PDE1C: variants seen among roughly 807,000 people sequenced by gnomAD.
PDE1C encodes phosphodiesterase 1C.
PDE1C carries 62 observed loss-of-function variants against 93.1 expected under a neutral mutation model. The ratio of observed to expected loss-of-function variants is 0.67; its 90% CI spans 0.54 to 0.82. PDE1C has a LOEUF of 0.82. Ranked by LOEUF, PDE1C falls within the 40% of genes least tolerant of loss-of-function variation. The pLI is 0.00. For synonymous variants in PDE1C, 325 were observed against 310.1 expected (o/e 1.05, Z -0.50); for missense variants, 742 against 884.6 (o/e 0.84, Z 2.04).
chr7:32,186,491 T>G (rs1803891920), intron 2 of PDE1C, among the ~76,000 whole-genome samples: 1 of 152,196 alleles, frequency 6.6e-6, no homozygotes, highest in Non-Finnish European at 1.5e-5. Context: ...AAGACAGCAA[T>G]GGCAATGTTT....
chr7:31,851,401 C>T (rs187598641), intron 7 of PDE1C, among the ~76,000 whole-genome samples: 70 of 152,294 alleles, frequency 4.6e-4, no homozygotes, highest in African/African-American at 1.4e-3. Flanking sequence ...GGATCAGAAA[C>T]GCTAGGTTGT....
chr7:32,152,983 C>T (rs545132633), intron 3 of PDE1C, among the ~76,000 whole-genome samples: 9 of 152,168 alleles, frequency 5.9e-5, no homozygotes, highest in Admixed American at 5.9e-4. Flanking sequence ...ACAGGGCATG[C>T]ATATTATTTT....
intron 1 of PDE1C, among the ~76,000 whole-genome samples, chr7:32,217,469 T>A (rs1315514641): frequency 9.3e-6 from 1 of 107,050 alleles, no homozygotes; most frequent in African/African-American, 3.4e-5. Flanking sequence ...TTTGCCCCCA[T>A]GTGGTTTGAT....
At chr7:32,053,286 G>A (rs1793625867) in intron 1 of PDE1C, among the ~76,000 whole-genome samples, 3 of 152,178 alleles carry the variant, frequency 2.0e-5, no homozygotes. Context: ...AGTTCTTTGT[G>A]TGGTTTACCT....
intron 1 of PDE1C, among the ~76,000 whole-genome samples, chr7:32,290,476 C>G (rs997082530): frequency 6.6e-6 from 1 of 152,186 alleles, no homozygotes; most frequent in Admixed American, 6.5e-5. Context: ...TTACATTCCT[C>G]AACCTCTTGA....
At chr7:31,920,262 GAC>G (rs375837502) in intron 2 of PDE1C, among the ~76,000 whole-genome samples, 118 of 152,140 alleles carry the variant, frequency 7.8e-4, no homozygotes, top group African/African-American at 2.8e-3. Context: ...TAACCATCTG[GAC>G]ACACAGATAT....
intron 1 of PDE1C, among the ~76,000 whole-genome samples, chr7:32,374,194 G>GAAGAA (rs752365240): frequency 2.1e-4 from 29 of 137,370 alleles, no homozygotes; most frequent in African/African-American, 7.9e-4. Context: ...AAGAAAGAAA[G>GAAGAA]AGAGGGAAAG....
At chr7:32,058,940 C>A (rs1052361905) in intron 1 of PDE1C, among the ~76,000 whole-genome samples, 1 of 149,704 alleles carries the variant, frequency 6.7e-6, no homozygotes, top group Non-Finnish European at 1.5e-5. Flanking sequence ...AGCAAGACAA[C>A]AACAACAACA....
intron 1 of PDE1C, among the ~76,000 whole-genome samples, chr7:32,420,122 TATACACACACACACACACAC>T (rs1471886278): frequency 1.5e-4 from 3 of 19,562 alleles, no homozygotes; most frequent in Non-Finnish European, 3.4e-4. Flanking sequence ...TATATATATA[TATACACACACACACACACAC>T]ACACACACAC....
intron 2 of PDE1C, among the ~76,000 whole-genome samples, chr7:32,046,654 T>C (rs1485414478): frequency 6.6e-6 from 1 of 152,168 alleles, no homozygotes; most frequent in African/African-American, 2.4e-5. Flanking sequence ...TAAAGTACTG[T>C]GCATGTGACT....
chr7:31,809,477 A>G (rs912407425), intron 15 of PDE1C, among the ~76,000 whole-genome samples: 17 of 152,082 alleles, frequency 1.1e-4, no homozygotes, highest in Admixed American at 8.5e-4. Context: ...TAAAATGGGT[A>G]TGTTAATACC....
chr7:32,124,111 A>G (rs2128766372), intron 3 of PDE1C, among the ~76,000 whole-genome samples: 1 of 152,290 alleles, frequency 6.6e-6, no homozygotes, highest in South Asian at 2.1e-4. Context: ...CATAATTGCT[A>G]CAAAGAGAAT....
upstream of PDE1C, chr7:32,070,909 C>T: frequency 3.0e-6 from 3 of 985,520 alleles, no homozygotes; most frequent in South Asian, 1.4e-4. Flanking sequence ...CCGGCTCCGC[C>T]CCGCGCCCAG....
chr7:31,837,619 C>T (rs1583541879), intron 10 of PDE1C, among the ~76,000 whole-genome samples: 3 of 152,226 alleles, frequency 2.0e-5, no homozygotes, highest in Middle Eastern at 6.8e-3. Flanking sequence ...ATTTAGTTTC[C>T]CACAGGGAAT....
chr7:32,208,256 T>C (rs1172987064), intron 2 of PDE1C, among the ~76,000 whole-genome samples: 6 of 151,914 alleles, frequency 3.9e-5, no homozygotes, highest in African/African-American at 9.7e-5. Context: ...AGCCTGTAAA[T>C]AGAGAAATTA....
At chr7:31,627,831 G>GAATT in the PDE1C span, among the ~76,000 whole-genome samples, 1 of 151,978 alleles carries the variant, frequency 6.6e-6, no homozygotes, top group East Asian at 1.9e-4. Flanking sequence ...AGATTAATTG[G>GAATT]AATTAAAATG....
chr7:31,743,037 A>T, the PDE1C span, among the ~76,000 whole-genome samples: 2 of 151,926 alleles, frequency 1.3e-5, no homozygotes, highest in African/African-American at 2.4e-5. Context: ...GCCACCCCCT[A>T]GTCTGGCCTC....
chr7:31,977,852 T>G (rs1811862570), intron 2 of PDE1C, among the ~76,000 whole-genome samples: 1 of 152,162 alleles, frequency 6.6e-6, no homozygotes, highest in South Asian at 2.1e-4. Context: ...AAAGTTAGAA[T>G]AGTGAAAAAA....
intron 3 of PDE1C, among the ~76,000 whole-genome samples, chr7:32,076,512 A>C (rs550824955): frequency 3.5e-4 from 53 of 152,030 alleles, no homozygotes; most frequent in African/African-American, 1.3e-3. Context: ...GCATGGTGGC[A>C]CACGCCTGTA....
Sources: allele counts gnomAD v4.1 joint callset (sites outside exome capture counted in the v4.1 genomes callset), GRCh38; gene constraint gnomAD v4.1.1; transcripts MANE v1.5; gene names NCBI Gene and HGNC (gene_info 2026-07-23, HGNC 2026-07-21).